The following ZNRF1 variants were observed in gnomAD, a reference collection of about 807,000 sequenced individuals.
ZNRF1 encodes the protein E3 ubiquitin-protein ligase ZNRF1.
A neutral mutation model predicts 18.4 loss-of-function variants in ZNRF1; 3 were observed. The observed-to-expected ratio is 0.16, with a 90% CI of 0.07 to 0.42. ZNRF1 has a LOEUF of 0.42. Among genes scored for constraint, ZNRF1 ranks in the 10% least tolerant of loss-of-function variants. The pLI, the probability that ZNRF1 is intolerant of heterozygous loss-of-function variation, is 0.99. For synonymous variants in ZNRF1, 157 were observed against 144.2 expected, an observed-to-expected ratio of 1.09 and a Z score of -0.64; for missense variants, 310 against 329.8, an observed-to-expected ratio of 0.94 and a Z score of 0.47.
intron 2 of ZNRF1, among the ~76,000 whole-genome samples, chr16:75,098,813 C>T (rs2036226283): frequency 6.6e-6 from 1 of 152,224 alleles, no homozygotes. Flanking sequence ...CGGAGCTGCA[C>T]GGGCTTTCCC....
In ZNRF1 at chr16:75,087,180, C is replaced by T. The variant is rs553651111; in HGVS notation, c.425-6392C>T. Among the ~76,000 whole-genome samples the T allele has an allele frequency of 1.4e-4, 22 of 152,270 alleles. No individual in the cohort carries two copies. The South Asian group carries it at 3.1e-3, about 22-fold the overall frequency. On this transcript the variant is annotated intron_variant, in intron 1 of 4. Coordinates refer to ENST00000335325, the MANE Select transcript of ZNRF1 (RefSeq NM_032268.5). Reference sequence around the variant, plus strand: ...CCCCATCCTTCCTCGGCTGCTCTGTCAAATGGTAGGGCCTGGGTGAAGGGA... The same window carrying T: ...CCCCATCCTTCCTCGGCTGCTCTGTTAAATGGTAGGGCCTGGGTGAAGGGA...
At chr16:75,049,609 C>G (rs2035563917) in intron 1 of ZNRF1, among the ~76,000 whole-genome samples, 2 of 152,276 alleles carry the variant, frequency 1.3e-5, no homozygotes, top group South Asian at 4.1e-4. Flanking sequence ...CCAACCTGGG[C>G]AATATGGCGA....
intron 1 of ZNRF1, among the ~76,000 whole-genome samples, chr16:75,083,755 G>C (rs1597902027): frequency 6.6e-6 from 1 of 152,114 alleles, no homozygotes; most frequent in South Asian, 2.1e-4. Flanking sequence ...TGAGGCCTAG[G>C]CAGAGTTAGA....
rs937564839 is a variant in ZNRF1, at chr16:75,019,190, C to CA, written c.424+19095_424+19096insA. 4.1e-4 allele frequency among the ~76,000 whole-genome samples: 62 copies of CA among 150,316 alleles called. 1 individual carries two copies. The highest frequency in any genetic ancestry group is 1.5e-3 in the African/African-American group (61 of 41,022). ...AAAACAAACAAAAAGATTAATATAG[C>CA]TTTTTTTTTGGTAGAGACTACTATG... On this transcript the variant is annotated intron_variant, in intron 1 of 4. Transcript: ENST00000335325.
chr16:75,092,007 A>G (rs1171936522), intron 1 of ZNRF1, among the ~76,000 whole-genome samples: 2 of 152,100 alleles, frequency 1.3e-5, no homozygotes, highest in Non-Finnish European at 2.9e-5. Flanking sequence ...TAAGAAAATG[A>G]TAAGGAAGTG....
intron 1 of ZNRF1, among the ~76,000 whole-genome samples, chr16:75,072,678 CAT>C (rs1191734535): frequency 6.6e-6 from 1 of 152,208 alleles, no homozygotes; most frequent in East Asian, 1.9e-4. Context: ...TACACAAACA[CAT>C]ACACACTTGT....
rs369564175 is a variant in ZNRF1, at chr16:75,067,700, A to G, written c.425-25872A>G. 4.6e-4 allele frequency among the ~76,000 whole-genome samples: 70 copies of G among 152,350 alleles called. 2 individuals are homozygous for G. The highest frequency in any genetic ancestry group is 1.7e-3 in the African/African-American group (69 of 41,584). ...TACGATAAAGGGGCACCATGAATCA[A>G]TGGGAGAAGGATGGATTGCTTAATA... is the stretch of plus-strand genomic sequence containing the variant. On this transcript the variant is annotated intron_variant, in intron 1 of 4. Transcript: ENST00000335325.
intron 2 of ZNRF1, among the ~76,000 whole-genome samples, chr16:75,101,824 A>G (rs1007098103): frequency 6.6e-6 from 1 of 152,202 alleles, no homozygotes. Flanking sequence ...CTGTGCCTAC[A>G]CATGCATTTG....
chr16:75,051,164 C>T (rs928879278), intron 1 of ZNRF1, among the ~76,000 whole-genome samples: 11 of 151,938 alleles, frequency 7.2e-5, no homozygotes, highest in South Asian at 2.1e-4. Flanking sequence ...TTGCACTGTA[C>T]GGGTGACAGA....
At chr16:75,032,873 C>T (rs1405836825) in intron 1 of ZNRF1, among the ~76,000 whole-genome samples, 1 of 152,084 alleles carries the variant, frequency 6.6e-6, no homozygotes, top group Non-Finnish European at 1.5e-5. Flanking sequence ...ATTAGTTGGG[C>T]ATGGTGGTAT....
chr16:75,054,699 A>G lies in ZNRF1; in HGVS notation c.425-38873A>G, dbSNP rs1313439801. On this transcript the variant is annotated intron_variant, in intron 1 of 4. Coordinates refer to ENST00000335325, the MANE Select transcript of ZNRF1 (RefSeq NM_032268.5). The stretch of plus-strand genomic sequence containing the variant: ...TCTCCCCTGGCTGTTTTCTCAAGCT[A>G]AGTTCTGTGTTAGCATTTCTTGATT... Among the ~76,000 whole-genome samples, 6 of 152,216 alleles carry G rather than the reference A, an allele frequency of 3.9e-5. No individual in the cohort carries two copies. In the East Asian group the frequency reaches 1.2e-3, roughly 29 times the overall value.
chr16:75,078,374 C>T (rs1469982849), intron 1 of ZNRF1, among the ~76,000 whole-genome samples: 3 of 139,008 alleles, frequency 2.2e-5, no homozygotes, highest in Non-Finnish European at 3.0e-5. Flanking sequence ...TCTCTGCTTA[C>T]TGCAACCTCC....
intron 4 of ZNRF1, 153 bp downstream of exon 4, chr16:75,106,724 C>T (rs543278289): frequency 1.8e-5 from 11 of 604,878 alleles, no homozygotes; most frequent in South Asian, 1.2e-4. Flanking sequence ...GTTAGTCATC[C>T]GGAAATGATT....
intron 1 of ZNRF1, among the ~76,000 whole-genome samples, chr16:75,052,768 A>G (rs920714085): frequency 1.3e-5 from 2 of 152,212 alleles, no homozygotes; most frequent in Non-Finnish European, 2.9e-5. Context: ...TTGCTTTATC[A>G]CAGACTGTCT....
chr16:75,042,104 G>A (rs2035455647), intron 1 of ZNRF1, among the ~76,000 whole-genome samples: 1 of 152,090 alleles, frequency 6.6e-6, no homozygotes, highest in Non-Finnish European at 1.5e-5. Context: ...AAATTGAGTT[G>A]TTTGTCAGTG....
chr16:75,051,018 C>A (rs1222344767), intron 1 of ZNRF1, among the ~76,000 whole-genome samples: 2 of 144,280 alleles, frequency 1.4e-5, no homozygotes, highest in Admixed American at 1.5e-4. Context: ...CATGGTGAGA[C>A]CTTGTCGCTA....
intron 1 of ZNRF1, among the ~76,000 whole-genome samples, chr16:75,001,829 A>G (rs2034853627): frequency 1.3e-5 from 2 of 152,212 alleles, no homozygotes; most frequent in Non-Finnish European, 2.9e-5. Context: ...TGCTACAGTT[A>G]TGAGCTTGTA....
intron 2 of ZNRF1, chr16:75,095,305 C>T (rs1418202546): frequency 1.4e-5 from 3 of 217,092 alleles, no homozygotes; most frequent in Non-Finnish European, 2.8e-5. Flanking sequence ...CTCCTTTCTC[C>T]TGGGCTGACT....
chr16:75,041,792 G>T (rs1204497801), intron 1 of ZNRF1, among the ~76,000 whole-genome samples: 8 of 149,502 alleles, frequency 5.4e-5, no homozygotes, highest in Non-Finnish European at 1.2e-4. Flanking sequence ...AGACCAGCCT[G>T]GCCAACATGG....
Sources: gnomAD v4.1 joint callset for allele counts (sites outside exome capture counted in the v4.1 genomes callset) on GRCh38, gnomAD v4.1.1 for gene constraint, MANE v1.5 for transcripts, NCBI Gene and HGNC (gene_info 2026-07-23, HGNC 2026-07-21) for gene names.